Variants in AKAP6 observed in about 807,000 individuals in gnomAD.
The protein encoded by AKAP6 is A-kinase anchoring protein 6.
Under a neutral mutation model 188.5 loss-of-function variants are expected in AKAP6, and 58 were observed. That is an observed-to-expected ratio of 0.31 (90% CI 0.25 to 0.38). The LOEUF (loss-of-function observed/expected upper bound fraction) is 0.38, where lower values mean the gene tolerates loss of function less well. Ranked by LOEUF, AKAP6 falls within the 10% of genes least tolerant of loss-of-function variation. The pLI, the probability that AKAP6 is intolerant of heterozygous loss-of-function variation, is 1.00. For synonymous variants in AKAP6, 989 were observed against 998.6 expected, an observed-to-expected ratio of 0.99 and a Z score of 0.18; for missense variants, 2,710 against 2,740.0, an observed-to-expected ratio of 0.99 and a Z score of 0.24.
intron 1 of AKAP6, among the ~76,000 whole-genome samples, chr14:32,356,470 T>C (rs1169831870): frequency 2.0e-5 from 3 of 152,194 alleles, no homozygotes; most frequent in Admixed American, 2.0e-4. Flanking sequence ...ATCTCTCATC[T>C]GCTCTGTGGT....
chr14:32,512,419 A>G (rs1247352997), intron 2 of AKAP6, among the ~76,000 whole-genome samples: 4 of 152,338 alleles, frequency 2.6e-5, no homozygotes, highest in Middle Eastern at 3.4e-3. Flanking sequence ...TAGAAAGTGC[A>G]TTGAAATTGA....
chr14:32,677,015 G>A (rs1004458615), intron 7 of AKAP6, among the ~76,000 whole-genome samples: 4 of 151,954 alleles, frequency 2.6e-5, no homozygotes, highest in South Asian at 2.1e-4. Flanking sequence ...TAGTAGAGAC[G>A]GGGTTTCGCC....
At chr14:32,615,582 A>G (rs1012840187) in intron 7 of AKAP6, among the ~76,000 whole-genome samples, 4 of 146,272 alleles carry the variant, frequency 2.7e-5, no homozygotes, top group Non-Finnish European at 5.9e-5. Flanking sequence ...CCCCAATGCT[A>G]AACCATTACT....
chr14:32,449,536 A>G (rs1022515976), intron 2 of AKAP6, among the ~76,000 whole-genome samples: 12 of 151,510 alleles, frequency 7.9e-5, no homozygotes, highest in Non-Finnish European at 1.3e-4. Flanking sequence ...AAAAAAAAAA[A>G]AAAAAGAAAA....
At chr14:32,610,686 A>G (rs931175045) in intron 7 of AKAP6, among the ~76,000 whole-genome samples, 9 of 152,212 alleles carry the variant, frequency 5.9e-5, no homozygotes, top group Non-Finnish European at 1.3e-4. Flanking sequence ...CAAAATTGGT[A>G]GTAGAAAGAT....
intron 1 of AKAP6, among the ~76,000 whole-genome samples, chr14:32,378,539 T>C (rs925449986): frequency 2.0e-5 from 3 of 152,222 alleles, no homozygotes; most frequent in Admixed American, 6.5e-5. Flanking sequence ...GGAAAGTGGC[T>C]GAGGACTGGG....
At chr14:32,382,721 G>A (rs779584537) in intron 1 of AKAP6, among the ~76,000 whole-genome samples, 15 of 152,140 alleles carry the variant, frequency 9.9e-5, no homozygotes, top group Non-Finnish European at 1.5e-4. Context: ...GGGTTTTACT[G>A]CCTGTGGTAG....
chr14:32,660,608 TC>T (rs1300128937), intron 7 of AKAP6, among the ~76,000 whole-genome samples: 1 of 151,946 alleles, frequency 6.6e-6, no homozygotes, highest in Non-Finnish European at 1.5e-5. Context: ...TTCATTTGTT[TC>T]CCCCCAGGTT....
At chr14:32,592,008 A>G (rs1885508208) in intron 5 of AKAP6, among the ~76,000 whole-genome samples, 1 of 152,218 alleles carries the variant, frequency 6.6e-6, no homozygotes, top group South Asian at 2.1e-4. Flanking sequence ...GTAATTTTGT[A>G]AGTGAAGGAA....
chr14:32,486,110 C>T (rs907962574), intron 2 of AKAP6, among the ~76,000 whole-genome samples: 2 of 152,174 alleles, frequency 1.3e-5, no homozygotes, highest in East Asian at 3.9e-4. Context: ...TCAGGTTTGT[C>T]AAGGGTCAGA....
At chr14:32,473,567 A>T (rs746295590) in intron 2 of AKAP6, among the ~76,000 whole-genome samples, 4 of 152,204 alleles carry the variant, frequency 2.6e-5, no homozygotes, top group Non-Finnish European at 5.9e-5. Flanking sequence ...ATGCCAAATT[A>T]GTGGGGTGAG....
intron 12 of AKAP6, among the ~76,000 whole-genome samples, chr14:32,803,075 G>A (rs1407342116): frequency 6.6e-6 from 1 of 152,174 alleles, no homozygotes; most frequent in African/African-American, 2.4e-5. Flanking sequence ...GGGCAACAGA[G>A]TGAGTCTCTG....
chr14:32,535,473 G>C, intron 2 of AKAP6, 81 bp from the exon 3 acceptor site: 1 of 1,485,912 alleles, frequency 6.7e-7, no homozygotes, highest in African/African-American at 1.4e-5. Flanking sequence ...TGTTAGGTAA[G>C]AGTGTACTTT....
rs530579784 is a variant in AKAP6, at chr14:32,704,695, A to C, written c.3000+8585A>C. 1.8e-4 allele frequency among the ~76,000 whole-genome samples: 28 copies of C among 152,288 alleles called. No homozygotes were observed. The East Asian group carries it at 4.8e-3, about 26-fold the overall frequency. Reference sequence around the variant, plus strand: ...GGTTATTTATTTTGTTTAAAAAAAGAGTATCAAAATTTAAAGATGAAAACC... The same window carrying C: ...GGTTATTTATTTTGTTTAAAAAAAGCGTATCAAAATTTAAAGATGAAAACC... On this transcript the variant is annotated intron_variant, in intron 9 of 13. Coordinates refer to ENST00000280979, the MANE Select transcript of AKAP6 (RefSeq NM_004274.5).
intron 11 of AKAP6, among the ~76,000 whole-genome samples, chr14:32,737,493 A>C (rs1052586701): frequency 3.3e-5 from 5 of 152,150 alleles, no homozygotes; most frequent in African/African-American, 1.2e-4. Flanking sequence ...ACAGAGTAAC[A>C]ATTTTTTACT....
chr14:32,488,749 C>T (rs10135381), intron 2 of AKAP6, among the ~76,000 whole-genome samples: 36 of 151,990 alleles, frequency 2.4e-4, no homozygotes, highest in African/African-American at 8.7e-4. Context: ...GTCCTTCACT[C>T]GTGGCCCTAG....
At chr14:32,616,780 A>G (rs896330280) in intron 7 of AKAP6, among the ~76,000 whole-genome samples, 11 of 152,188 alleles carry the variant, frequency 7.2e-5, no homozygotes, top group African/African-American at 2.4e-4. Flanking sequence ...CTTTTTTCAA[A>G]CTAAATCTTA....
At chr14:32,667,924 CA>C (rs1889019637) in intron 7 of AKAP6, among the ~76,000 whole-genome samples, 1 of 151,990 alleles carries the variant, frequency 6.6e-6, no homozygotes, top group South Asian at 2.1e-4. Context: ...CAGTGTTTGC[CA>C]GCATAATTGT....
intron 11 of AKAP6, among the ~76,000 whole-genome samples, chr14:32,765,264 A>T (rs1261950467): frequency 6.6e-6 from 1 of 152,134 alleles, no homozygotes; most frequent in Non-Finnish European, 1.5e-5. Context: ...ATTTGAAGAG[A>T]ATGTAACATT....
Sources: gnomAD v4.1 joint callset for allele counts (sites outside exome capture counted in the v4.1 genomes callset) on GRCh38, gnomAD v4.1.1 for gene constraint, MANE v1.5 for transcripts, NCBI Gene and HGNC (gene_info 2026-07-23, HGNC 2026-07-21) for gene names.